ZIC5: variants seen among roughly 807,000 people sequenced by gnomAD.
ZIC5 encodes the protein zinc finger protein ZIC 5.
ZIC5 carries 20 observed loss-of-function variants against 28.5 expected under a neutral mutation model. The ratio of observed to expected loss-of-function variants is 0.70; its 90% CI spans 0.49 to 1.02. The LOEUF (loss-of-function observed/expected upper bound fraction) is 1.02. Ranked by LOEUF, ZIC5 falls within the 50% of genes least tolerant of loss-of-function variation. The pLI, the probability that ZIC5 is intolerant of heterozygous loss-of-function variation, is 0.00. For synonymous variants in ZIC5, 488 were observed against 410.4 expected (o/e 1.19, Z -2.29); for missense variants, 951 against 899.7 (o/e 1.06, Z -0.73).
At chr13:99,967,486 G>A (rs1332431438) in intron 1 of ZIC5, among the ~76,000 whole-genome samples, 1 of 152,160 alleles carries the variant, frequency 6.6e-6, no homozygotes, top group Non-Finnish European at 1.5e-5. Flanking sequence ...ACTTTAAGTC[G>A]TAGATAAGAC....
intron 1 of ZIC5, among the ~76,000 whole-genome samples, chr13:99,968,644 G>GGGCCGGGCTGGGGAGC (rs2053120496): frequency 6.6e-6 from 1 of 152,202 alleles, no homozygotes; most frequent in South Asian, 2.1e-4. Context: ...TTCCCTTTCG[G>GGGCCGGGCTGGGGAGC]GGCCGGGCTG....
intron 1 of ZIC5, among the ~76,000 whole-genome samples, chr13:99,968,858 C>T (rs2152155119): frequency 6.6e-6 from 1 of 152,272 alleles, no homozygotes; most frequent in East Asian, 1.9e-4. Context: ...ATCAGGCGGC[C>T]CGCAGGAGCC....
intron 1 of ZIC5, among the ~76,000 whole-genome samples, chr13:99,967,139 G>A (rs1400795993): frequency 6.6e-6 from 1 of 152,186 alleles, no homozygotes; most frequent in African/African-American, 2.4e-5. Flanking sequence ...ATACATTTCT[G>A]TGGTGACTTT....
chr13:99,968,265 G>A (rs2053115669), intron 1 of ZIC5, among the ~76,000 whole-genome samples: 2 of 152,216 alleles, frequency 1.3e-5, no homozygotes, highest in Admixed American at 1.3e-4. Flanking sequence ...CCAAGCGCGG[G>A]TTGGAGTCTG....
At position 99,963,185 on chromosome 13, in the gene ZIC5, T is replaced by C. The variant is rs1311231031; in HGVS notation, c.*2192A>G. 3.3e-5 allele frequency: 5 copies of C among 152,568 alleles called. No homozygotes were observed. The highest frequency in any genetic ancestry group is 4.4e-5 in the Non-Finnish European group (3 of 68,000). 9.5% of individuals were successfully genotyped at this position (152,568 alleles called of 1,614,324 possible). ...GTAAAATACATAAAATACATATTCC[T>C]TTGTTTCATAATAAATAAACCTGTA... On this transcript the variant is annotated 3_prime_UTR_variant, in exon 2 of 2. Transcript: ENST00000267294.
At chr13:99,968,814 A>C (rs2053122012) in intron 1 of ZIC5, among the ~76,000 whole-genome samples, 1 of 152,258 alleles carries the variant, frequency 6.6e-6, no homozygotes, top group South Asian at 2.1e-4. Context: ...TAGAGAGAAA[A>C]GGGGCTCCTG....
intron 1 of ZIC5, among the ~76,000 whole-genome samples, chr13:99,967,762 A>G (rs1476843564): frequency 6.6e-6 from 1 of 152,254 alleles, no homozygotes; most frequent in African/African-American, 2.4e-5. Flanking sequence ...TTAGAGTTAA[A>G]TAAAGGAAGA....
rs956520549 is a variant in ZIC5, at chr13:99,970,564, TGCGGGTGCTGCGCGGGCGCCGGCG to T, written c.1016_1039del (p.Pro339_Pro346del). 2 of 1,028,978 alleles carry T rather than the reference TGCGGGTGCTGCGCGGGCGCCGGCG, an allele frequency of 1.9e-6. No homozygotes were observed. The highest frequency in any genetic ancestry group is 3.5e-5 in the African/African-American group (2 of 56,806). The allele number at this position is 1,028,978 out of a possible 1,614,324, so 63.7% of individuals were successfully genotyped here. A position where few individuals can be genotyped will look rare whatever the true frequency, so the allele number is the denominator to read the frequency against. On this transcript the variant is annotated inframe_deletion, in exon 1 of 2. Transcript: ENST00000267294. ...CCCTGGGAGGTGGGGGTGGTGCTGG[TGCGGGTGCTGCGCGGGCGCCGGCG>T]GCGGCGGCGGCGCCGGGGGCGGCGC...
chr13:99,971,606 G>C lies in ZIC5; in HGVS notation c.-3C>G, dbSNP rs1356816477. ...CTCTTGCTCAAAGGGGGCTCCATCA[G>C]AACTACACAATCAGGCCCATAGACC... On this transcript the variant is annotated 5_prime_UTR_variant, in exon 1 of 2. Coordinates refer to ENST00000267294, the MANE Select transcript of ZIC5 (RefSeq NM_033132.5). 1.3e-6 allele frequency: 2 copies of C among 1,557,998 alleles called. No homozygotes were observed. The highest frequency in any genetic ancestry group is 4.8e-5 in the East Asian group (2 of 41,718).
In ZIC5 at chr13:99,971,741, A is replaced by G; in HGVS notation, c.-138T>C. On this transcript the variant is annotated 5_prime_UTR_variant, in exon 1 of 2. Coordinates refer to ENST00000267294, the MANE Select transcript of ZIC5 (RefSeq NM_033132.5). ...CTTAACTCTGCTTATTCCTGTTCCC[A>G]CTCTATCCTCCAGCGATTGGCAGAG... is the stretch of plus-strand genomic sequence containing the variant. The G allele has an allele frequency of 1.3e-6, 2 of 1,538,846 alleles. No homozygotes were observed. The highest frequency in any genetic ancestry group is 2.8e-5 in the African/African-American group (2 of 72,384).
At chr13:99,966,894 TTTTCC>T (rs2152153939) in intron 1 of ZIC5, among the ~76,000 whole-genome samples, 1 of 152,318 alleles carries the variant, frequency 6.6e-6, no homozygotes, top group African/African-American at 2.4e-5. Flanking sequence ...TCTAACTGAA[TTTTCC>T]CTCTCCCCTT....
Position 99,970,851 on chromosome 13 carries a change from G to T in ZIC5, c.753C>A (p.His251Gln). Residue 251 changes from histidine to glutamine, a missense_variant, in exon 1 of 2, where the codon CAC becomes CAA. By Grantham distance (24) the His-to-Gln change is conservative. Around this residue, in one of 3 missense-constraint regions of ZIC5, gnomAD observed 784 missense variants for 660.1 expected, o/e 1.19. Transcript: ENST00000267294. ...DTPGAPGGHP[H>Q]PLNGQMRLGL... ...CCAGGCGCATCTGGCCGTTGAGCGG[G>T]TGCGGGTGGCCGCCTGGGGCCCCCG... 8.0e-7 allele frequency: 1 copy of T among 1,255,872 alleles called. No homozygotes were observed. The highest frequency in any genetic ancestry group is 9.9e-7 in the Non-Finnish European group (1 of 1,007,802). 77.8% of individuals were successfully genotyped at this position (1,255,872 alleles called of 1,614,324 possible).
intron 1 of ZIC5, among the ~76,000 whole-genome samples, chr13:99,966,408 G>A (rs2053100409): frequency 6.6e-6 from 1 of 152,178 alleles, no homozygotes; most frequent in African/African-American, 2.4e-5. Context: ...ATGGGAAAGG[G>A]AAAGAGGTAA....
In ZIC5 at chr13:99,970,530, C is replaced by T. The variant is rs760754333; in HGVS notation, c.1074G>A (p.Gly358=). The change falls in exon 1 of 2, where the codon GGG becomes GGA. Residue 358 remains glycine, a synonymous_variant. Transcript: ENST00000267294. ...GCTGCCGCATGTAGCGCAGGAAGGCCCCAGCCGCCCCTGGGAGGTGGGGGT... is the reference window on the plus strand; with the variant it reads ...GCTGCCGCATGTAGCGCAGGAAGGCTCCAGCCGCCCCTGGGAGGTGGGGGT... ...QHHPHLPGAA[G]AFLRYMRQPI... is the part of the protein sequence containing the mutation. The T allele has an allele frequency of 4.5e-6, 5 of 1,113,102 alleles. No homozygotes were observed. Among genetic ancestry groups the T allele is most frequent in the Admixed American group, 3.6e-5 (1 of 27,732 alleles). The allele number at this position is 1,113,102 out of a possible 1,614,324, so 69.0% of individuals were successfully genotyped here.
chr13:99,968,071 C>T lies in ZIC5; in HGVS notation c.1477+2056G>A, dbSNP rs367590977. ...GGACGGTTATAAACGGGACTGGGGG[C>T]ACGTGGGTCAGGAAAGGGGCCTTCG... On this transcript the variant is annotated intron_variant, in intron 1 of 1. Coordinates refer to ENST00000267294, the MANE Select transcript of ZIC5 (RefSeq NM_033132.5). Among the ~76,000 whole-genome samples, 5 of 152,318 alleles carry T rather than the reference C, an allele frequency of 3.3e-5. 1 individual carries two copies. Among genetic ancestry groups the T allele is most frequent in the African/African-American group, 1.2e-4 (5 of 41,576 alleles).
chr13:99,965,861 A>G, intron 1 of ZIC5, 42 bp from the exon 2 acceptor site: 2 of 1,562,110 alleles, frequency 1.3e-6, no homozygotes, highest in Non-Finnish European at 1.7e-6. Context: ...GCTTTCCAAG[A>G]CCCCTCTCTT....
intron 1 of ZIC5, among the ~76,000 whole-genome samples, chr13:99,966,477 C>A (rs1021084618): frequency 1.3e-5 from 2 of 152,152 alleles, no homozygotes; most frequent in African/African-American, 4.8e-5. Flanking sequence ...TCCCACCACT[C>A]GATTTTTACA....
At chr13:99,970,006 A>C (rs2053135063) in intron 1 of ZIC5, 121 bp downstream of exon 1, 1 of 1,459,994 alleles carries the variant, frequency 6.8e-7, no homozygotes, top group Non-Finnish European at 9.3e-7. Context: ...ATGCGAAGAG[A>C]AGCAGCAGAA....
At position 99,970,926 on chromosome 13, in the gene ZIC5, G is replaced by A; in HGVS notation, c.678C>T (p.Gly226=). ...MFISASGTYA[G]PDGSGGPALF... is the part of the protein sequence containing the mutation. ...GCGCCGGGCCGCCGCTGCCGTCCGG[G>A]CCCGCGTAGGTGCCGCTGGCGGAGA... The change falls in exon 1 of 2, where the codon GGC becomes GGT. Residue 226 remains glycine (G), a synonymous_variant. Transcript: ENST00000267294. 7.2e-7 allele frequency: 1 copy of A among 1,384,898 alleles called. No individual in the cohort carries two copies. The highest frequency in any genetic ancestry group is 9.3e-7 in the Non-Finnish European group (1 of 1,080,290). 85.8% of individuals were successfully genotyped at this position (1,384,898 alleles called of 1,614,324 possible).
Sources: allele counts gnomAD v4.1 joint callset (sites outside exome capture counted in the v4.1 genomes callset), GRCh38; gene constraint gnomAD v4.1.1; regional missense constraint gnomAD v4.1.1; transcripts MANE v1.5; gene names NCBI Gene and HGNC (gene_info 2026-07-23, HGNC 2026-07-21).